LRRC4C: variants seen among roughly 807,000 people sequenced by gnomAD.
The protein encoded by LRRC4C is leucine-rich repeat-containing protein 4C.
Under a neutral mutation model 33.6 loss-of-function variants are expected in LRRC4C, and 5 were observed. The ratio of observed to expected loss-of-function variants is 0.15; its 90% CI spans 0.08 to 0.31. The LOEUF (loss-of-function observed/expected upper bound fraction) is 0.31, where lower values mean the gene tolerates loss of function less well. LRRC4C is among the 10% of genes least tolerant of loss of function. The pLI, the probability that LRRC4C is intolerant of heterozygous loss-of-function variation, is 1.00. For synonymous variants in LRRC4C, 329 were observed against 302.0 expected, an observed-to-expected ratio of 1.09 and a Z score of -0.93; for missense variants, 560 against 796.7, an observed-to-expected ratio of 0.70 and a Z score of 3.58.
At chr11:40,539,393 T>C (rs1020132961) in intron 3 of LRRC4C, among the ~76,000 whole-genome samples, 1 of 152,162 alleles carries the variant, frequency 6.6e-6, no homozygotes, top group Non-Finnish European at 1.5e-5. Context: ...TCTGCTAGAA[T>C]CCTAAAGTTC....
chr11:40,126,683 G>A (rs750673707), intron 6 of LRRC4C, among the ~76,000 whole-genome samples: 9 of 152,042 alleles, frequency 5.9e-5, no homozygotes, highest in African/African-American at 1.7e-4. Context: ...ATTTGGGGAC[G>A]GGCGTGGTGG....
At chr11:40,685,365 A>C (rs1944902755) in intron 2 of LRRC4C, among the ~76,000 whole-genome samples, 1 of 151,928 alleles carries the variant, frequency 6.6e-6, no homozygotes, top group African/African-American at 2.4e-5. Context: ...AGCAACTTCA[A>C]TTTTTTTAAT....
At chr11:40,945,199 T>A (rs1958341640) in intron 1 of LRRC4C, among the ~76,000 whole-genome samples, 2 of 100,716 alleles carry the variant, frequency 2.0e-5, no homozygotes, top group Non-Finnish European at 4.0e-5. Context: ...CCGGCTAATT[T>A]TTTTGTATTT....
At chr11:41,304,901 A>C (rs1324132786) in intron 1 of LRRC4C, among the ~76,000 whole-genome samples, 1 of 43,208 alleles carries the variant, frequency 2.3e-5, no homozygotes, top group Non-Finnish European at 5.5e-5. Flanking sequence ...CAGCCGCCCC[A>C]TCCGGGAGGG....
intron 2 of LRRC4C, among the ~76,000 whole-genome samples, chr11:40,842,198 G>C (rs72900709): frequency 0.044 from 6,624 of 152,170 alleles, 212 homozygotes; most frequent in Non-Finnish European, 0.069. Context: ...TAGCACTCAG[G>C]TGCCAGATTT....
chr11:40,701,400 G>T (rs1945856671), intron 2 of LRRC4C, among the ~76,000 whole-genome samples: 1 of 151,784 alleles, frequency 6.6e-6, no homozygotes. Flanking sequence ...TTAACAACAT[G>T]AAAAATATGT....
chr11:40,256,083 G>A (rs1407306713), intron 4 of LRRC4C, among the ~76,000 whole-genome samples: 1 of 152,090 alleles, frequency 6.6e-6, no homozygotes, highest in African/African-American at 2.4e-5. Flanking sequence ...TAGTTGTCTT[G>A]GATTGCTTTG....
At chr11:40,679,593 G>A (rs1944574885) in intron 2 of LRRC4C, among the ~76,000 whole-genome samples, 1 of 152,170 alleles carries the variant, frequency 6.6e-6, no homozygotes, top group African/African-American at 2.4e-5. Context: ...CGTGACTGAT[G>A]AAAGGGGCCA....
intron 2 of LRRC4C, among the ~76,000 whole-genome samples, chr11:40,874,632 A>G (rs1954800965): frequency 6.6e-6 from 1 of 152,198 alleles, no homozygotes; most frequent in African/African-American, 2.4e-5. Flanking sequence ...AAATTCAGAA[A>G]TGAAAATCCT....
In LRRC4C at chr11:40,319,674, AAAG is replaced by A. The variant is rs1945745363; in HGVS notation, c.-225_-223del. 6.6e-6 allele frequency: 1 copy of A among 152,310 alleles called. No homozygotes were observed. The highest frequency in any genetic ancestry group is 1.9e-4 in the East Asian group (1 of 5,184). The allele number at this position is 152,310 out of a possible 1,614,324, so 9.4% of individuals were successfully genotyped here. ...GGTATTGATCTTCCTGAGAAAACTC[AAAG>A]AAGTTTAATAAGTGCTCTGGATTTC... On this transcript the variant is annotated 5_prime_UTR_variant, in exon 4 of 7. Transcript: ENST00000528697.
At chr11:40,669,798 G>A (rs1047648758) in intron 2 of LRRC4C, among the ~76,000 whole-genome samples, 2 of 152,166 alleles carry the variant, frequency 1.3e-5, no homozygotes, top group African/African-American at 4.8e-5. Flanking sequence ...TATGTCCAAT[G>A]TAACACTCTG....
chr11:40,168,395 A>C (rs1315526719), intron 5 of LRRC4C, among the ~76,000 whole-genome samples: 1 of 152,220 alleles, frequency 6.6e-6, no homozygotes, highest in Admixed American at 6.5e-5. Context: ...TGAGTAAAGA[A>C]GGGTTCGTTC....
chr11:40,626,403 A>G (rs1045104736), intron 3 of LRRC4C, among the ~76,000 whole-genome samples: 7 of 152,156 alleles, frequency 4.6e-5, no homozygotes, highest in African/African-American at 1.7e-4. Flanking sequence ...TTTGTCATAT[A>G]TATTGCTGTC....
chr11:40,468,720 T>C (rs1394554857), intron 3 of LRRC4C, among the ~76,000 whole-genome samples: 1 of 152,144 alleles, frequency 6.6e-6, no homozygotes, highest in African/African-American at 2.4e-5. Flanking sequence ...TCTTTTGAAA[T>C]AGATTGTTAC....
chr11:41,179,306 A>C (rs1945342558), intron 1 of LRRC4C, among the ~76,000 whole-genome samples: 1 of 152,104 alleles, frequency 6.6e-6, no homozygotes, highest in Non-Finnish European at 1.5e-5. Flanking sequence ...GAAGTTATGT[A>C]ATCTAACACT....
intron 3 of LRRC4C, among the ~76,000 whole-genome samples, chr11:40,646,931 T>C (rs923730324): frequency 6.6e-5 from 10 of 152,184 alleles, no homozygotes; most frequent in African/African-American, 2.4e-4. Context: ...TTTTGGTTGA[T>C]ATTTCTATTG....
chr11:40,365,541 G>A (rs1948169956), intron 3 of LRRC4C, among the ~76,000 whole-genome samples: 1 of 151,998 alleles, frequency 6.6e-6, no homozygotes, highest in African/African-American at 2.4e-5. Context: ...AGTTCTAAGG[G>A]AAAACTGAAG....
chr11:41,373,602 CTT>C (rs1320924048), intron 1 of LRRC4C, among the ~76,000 whole-genome samples: 1 of 152,102 alleles, frequency 6.6e-6, no homozygotes, highest in African/African-American at 2.4e-5. Context: ...CGGAATATCT[CTT>C]GTCAGGTGGC....
At chr11:40,298,282 GA>G (rs1944608830) in intron 4 of LRRC4C, among the ~76,000 whole-genome samples, 1 of 151,710 alleles carries the variant, frequency 6.6e-6, no homozygotes, top group Non-Finnish European at 1.5e-5. Context: ...CTTAATAGCT[GA>G]AAACAACAAT....
Sources: allele counts gnomAD v4.1 joint callset (sites outside exome capture counted in the v4.1 genomes callset), GRCh38; gene constraint gnomAD v4.1.1; transcripts MANE v1.5; gene names NCBI Gene and HGNC (gene_info 2026-07-23, HGNC 2026-07-21).